Variants in LUZP1 observed in about 807,000 individuals in gnomAD.
LUZP1 encodes leucine zipper protein 1, also known as filamin mechanobinding actin cross-linking protein.
Under a neutral mutation model 71.3 loss-of-function variants are expected in LUZP1, and 25 were observed. The ratio of observed to expected loss-of-function variants is 0.35; its 90% CI spans 0.26 to 0.49. The LOEUF (loss-of-function observed/expected upper bound fraction) is 0.49. LUZP1 is among the 20% of genes least tolerant of loss of function. The probability of loss-of-function intolerance (pLI) is 0.99; values close to 1 mark genes in which losing one functional copy is unlikely to be tolerated. For synonymous variants in LUZP1, 481 were observed against 506.4 expected, an observed-to-expected ratio of 0.95 and a Z score of 0.67; for missense variants, 1,142 against 1,300.8, an observed-to-expected ratio of 0.88 and a Z score of 1.88.
intron 2 of LUZP1, among the ~76,000 whole-genome samples, chr1:23,124,391 C>T (rs1644154314): frequency 6.6e-6 from 1 of 152,136 alleles, no homozygotes; most frequent in South Asian, 2.1e-4. Context: ...CTTCACAAGA[C>T]TGACTTTAAG....
intron 1 of LUZP1, among the ~76,000 whole-genome samples, chr1:23,176,331 T>G (rs1419729902): frequency 1.3e-5 from 2 of 152,206 alleles, no homozygotes; most frequent in African/African-American, 4.8e-5. Context: ...CCAAAAGTGC[T>G]GGGATTACAG....
At chr1:23,105,700 C>T (rs907930758) in intron 3 of LUZP1, among the ~76,000 whole-genome samples, 50 of 152,318 alleles carry the variant, frequency 3.3e-4, no homozygotes, top group Middle Eastern at 3.4e-3. Context: ...TGCAAACATT[C>T]GCTATTTAAG....
At chr1:23,168,148 C>T (rs1178229469) in intron 2 of LUZP1, among the ~76,000 whole-genome samples, 1 of 146,042 alleles carries the variant, frequency 6.8e-6, no homozygotes, top group Non-Finnish European at 1.5e-5. Flanking sequence ...GGCCGCGGGA[C>T]CCCTCCCCGC....
At chr1:23,156,651 T>A (rs943938987) in intron 2 of LUZP1, among the ~76,000 whole-genome samples, 1 of 151,468 alleles carries the variant, frequency 6.6e-6, no homozygotes. Flanking sequence ...TTTATAGAGG[T>A]TTCAGCACTG....
chr1:23,091,747 T>TGACATG (rs1354718792), exon 4 of LUZP1: 2 of 1,614,012 alleles, frequency 1.2e-6, no homozygotes, highest in Middle Eastern at 1.7e-4. Flanking sequence ...AAAGGGGAGC[T>TGACATG]GACATGGTTG....
chr1:23,111,855 C>T (rs540405065), intron 2 of LUZP1, among the ~76,000 whole-genome samples: 2 of 151,882 alleles, frequency 1.3e-5, no homozygotes, highest in South Asian at 4.2e-4. Context: ...TAAAACCTCT[C>T]CTACATAAAA....
At chr1:23,124,977 G>C (rs1644160397) in intron 2 of LUZP1, among the ~76,000 whole-genome samples, 1 of 152,178 alleles carries the variant, frequency 6.6e-6, no homozygotes, top group South Asian at 2.1e-4. Context: ...AGCTTGCCCA[G>C]GTTTGGAGGT....
At chr1:23,122,465 C>T (rs1015507526) in intron 2 of LUZP1, among the ~76,000 whole-genome samples, 2 of 152,198 alleles carry the variant, frequency 1.3e-5, no homozygotes, top group Non-Finnish European at 2.9e-5. Context: ...ATGCAACCAG[C>T]AGCAGCTTGC....
intron 2 of LUZP1, among the ~76,000 whole-genome samples, chr1:23,165,346 T>C (rs1434448372): frequency 1.3e-5 from 2 of 151,606 alleles, no homozygotes; most frequent in South Asian, 2.1e-4. Context: ...ATGTAAATTA[T>C]ACCTCAATAA....
intron 2 of LUZP1, among the ~76,000 whole-genome samples, chr1:23,156,138 T>C (rs1298575045): frequency 6.6e-6 from 1 of 152,158 alleles, no homozygotes; most frequent in Admixed American, 6.5e-5. Context: ...CCCAGCACTT[T>C]GGGAGGCCAA....
At position 23,094,308 on chromosome 1, in the gene LUZP1, C is replaced by T; in HGVS notation, c.-47G>A. The T allele has an allele frequency of 1.3e-6, 2 of 1,525,706 alleles. No homozygotes were observed. Among genetic ancestry groups the T allele is most frequent in the Non-Finnish European group, 1.8e-6 (2 of 1,141,116 alleles). The allele number at this position is 1,525,706 out of a possible 1,614,324, so 94.5% of individuals were successfully genotyped here. Reference sequence around the variant, plus strand: ...GCTCCTAGAGGCATCCAATTCCACTCAAGGGGATGAGAAATGGTTACCTTT... The same window carrying T: ...GCTCCTAGAGGCATCCAATTCCACTTAAGGGGATGAGAAATGGTTACCTTT... On this transcript the variant is annotated 5_prime_UTR_variant, in exon 4 of 5. Coordinates refer to ENST00000302291, the Ensembl canonical transcript of LUZP1. The surrounding 1 kb of genome is among the most constrained non-coding windows in gnomAD (Gnocchi z 4.7).
intron 3 of LUZP1, among the ~76,000 whole-genome samples, chr1:23,097,459 C>T (rs547883260): frequency 2.0e-5 from 3 of 152,184 alleles, no homozygotes; most frequent in African/African-American, 7.2e-5. Context: ...TCCAAGAGCA[C>T]GTGACCAAGA....
chr1:23,097,163 G>A (rs1643896720), intron 3 of LUZP1, among the ~76,000 whole-genome samples: 1 of 152,124 alleles, frequency 6.6e-6, no homozygotes, highest in South Asian at 2.1e-4. Flanking sequence ...CTTTTTTAAA[G>A]GTGCTGATCC....
chr1:23,096,894 AC>A (rs1218590343), intron 3 of LUZP1, among the ~76,000 whole-genome samples: 2 of 152,292 alleles, frequency 1.3e-5, no homozygotes, highest in Non-Finnish European at 2.9e-5. Flanking sequence ...AATTGCCTGA[AC>A]CCACGGGACG....
intron 2 of LUZP1, 71 bp downstream of exon 1, chr1:23,168,695 C>T: frequency 6.5e-6 from 1 of 153,878 alleles, no homozygotes; most frequent in Non-Finnish European, 1.5e-5. Flanking sequence ...CACCCGGGAC[C>T]GGCCTCCCAA....
At chr1:23,135,610 G>A (rs148273719) in intron 2 of LUZP1, among the ~76,000 whole-genome samples, 60 of 152,254 alleles carry the variant, frequency 3.9e-4, no homozygotes, top group African/African-American at 1.4e-3. Flanking sequence ...AGAGAACACG[G>A]GTTGGGATAG....
chr1:23,091,769 G>A (rs770793365), exon 4 of LUZP1: 5 of 1,614,012 alleles, frequency 3.1e-6, no homozygotes, highest in Non-Finnish European at 4.2e-6. Flanking sequence ...TAACTGATGT[G>A]AGCTCTGCCA....
chr1:23,138,815 C>T (rs186070629), intron 2 of LUZP1, among the ~76,000 whole-genome samples: 98 of 149,324 alleles, frequency 6.6e-4, no homozygotes, highest in African/African-American at 2.3e-3. Flanking sequence ...CCCTGGGCAA[C>T]GGTGAAACCT....
chr1:23,138,928 G>T (rs1413168241), intron 2 of LUZP1, among the ~76,000 whole-genome samples: 9 of 143,658 alleles, frequency 6.3e-5, no homozygotes, highest in Non-Finnish European at 6.0e-5. Context: ...AACCCGGGAG[G>T]TGGAGGTTGC....
Sources: allele counts gnomAD v4.1 joint callset (sites outside exome capture counted in the v4.1 genomes callset), GRCh38; gene constraint gnomAD v4.1.1; non-coding constraint Gnocchi (gnomAD v3.1); transcripts MANE v1.5; gene names NCBI Gene and HGNC (gene_info 2026-07-23, HGNC 2026-07-21).